Variants in GRM5 observed in about 807,000 individuals in gnomAD.
GRM5 encodes glutamate metabotropic receptor 5.
Under a neutral mutation model 83.1 loss-of-function variants are expected in GRM5, and 19 were observed. The ratio of observed to expected loss-of-function variants is 0.23; its 90% confidence interval spans 0.16 to 0.34. The LOEUF (loss-of-function observed/expected upper bound fraction) is 0.34. GRM5 is among the 10% of genes least tolerant of loss of function. The probability of loss-of-function intolerance (pLI) is 1.00; values close to 1 mark genes in which losing one functional copy is unlikely to be tolerated. For synonymous variants in GRM5, 675 were observed against 633.6 expected, an observed-to-expected ratio of 1.07 and a Z score of -0.98; for missense variants, 1,160 against 1,588.3, an observed-to-expected ratio of 0.73 and a Z score of 4.58.
chr11:88,989,745 C>T (rs1939891955), intron 2 of GRM5, among the ~76,000 whole-genome samples: 1 of 144,330 alleles, frequency 6.9e-6, no homozygotes, highest in East Asian at 2.0e-4. Flanking sequence ...ACTGAACAAC[C>T]TGCTCCTGAA....
intron 2 of GRM5, among the ~76,000 whole-genome samples, chr11:89,015,160 C>A (rs1940819265): frequency 6.6e-6 from 1 of 152,212 alleles, no homozygotes; most frequent in Non-Finnish European, 1.5e-5. Flanking sequence ...GGTTGAACTT[C>A]AAATCCTTTA....
chr11:88,825,699 A>T (rs1943884104), intron 3 of GRM5, among the ~76,000 whole-genome samples: 1 of 152,200 alleles, frequency 6.6e-6, no homozygotes, highest in Non-Finnish European at 1.5e-5. Flanking sequence ...GACTCAAATG[A>T]TTACAGCTTT....
Position 89,047,264 on chromosome 11 carries a change from C to T in GRM5, c.609G>A (p.Val203=), listed in dbSNP as rs199881528. ...PSDAQQARAM[V]DIVKRYNWTY... is the part of the protein sequence containing the mutation. ...TCCAGTTGTACCTCTTCACTATGTC[C>T]ACCATGGCCCTTGCCTGCTGAGCAT... Residue 203 remains valine (V), a synonymous_variant, in exon 2 of 10, where the codon GTG becomes GTA. Transcript: ENST00000305447. The surrounding 1 kb of genome is among the most constrained non-coding windows in gnomAD (Gnocchi z 5.1). The T allele has an allele frequency of 1.4e-4, 222 of 1,613,900 alleles. No homozygotes were observed. Among genetic ancestry groups the T allele is most frequent in the Non-Finnish European group, 1.7e-4 (206 of 1,179,952 alleles).
chr11:88,909,253 C>T (rs1003566702), intron 2 of GRM5, among the ~76,000 whole-genome samples: 1 of 152,036 alleles, frequency 6.6e-6, no homozygotes, highest in Admixed American at 6.6e-5. Flanking sequence ...AGCCAAACAA[C>T]ATTTAACAGC....
At chr11:88,538,045 T>C (rs1481732859) in intron 8 of GRM5, among the ~76,000 whole-genome samples, 5 of 149,848 alleles carry the variant, frequency 3.3e-5, no homozygotes, top group Non-Finnish European at 5.9e-5. Flanking sequence ...CAATTCAACA[T>C]AAGCTCAAAG....
At chr11:88,986,486 T>G (rs918732719) in intron 2 of GRM5, among the ~76,000 whole-genome samples, 8 of 152,178 alleles carry the variant, frequency 5.3e-5, no homozygotes, top group Non-Finnish European at 1.2e-4. Context: ...TATATTTTCT[T>G]TGGAAAGAAG....
chr11:88,640,504 C>T (rs1196981735), intron 4 of GRM5, among the ~76,000 whole-genome samples: 1 of 152,126 alleles, frequency 6.6e-6, no homozygotes, highest in African/African-American at 2.4e-5. Context: ...AGCTGAGTGT[C>T]CTCCAATTAA....
chr11:88,773,802 T>C (rs1942790016), intron 3 of GRM5, among the ~76,000 whole-genome samples: 1 of 152,220 alleles, frequency 6.6e-6, no homozygotes, highest in African/African-American at 2.4e-5. Flanking sequence ...TTCTGTTCCA[T>C]TGGTCTATAC....
intron 7 of GRM5, 41 bp downstream of exon 7, chr11:88,590,560 T>C (rs1381736929): frequency 1.3e-6 from 2 of 1,577,524 alleles, no homozygotes; most frequent in Non-Finnish European, 1.7e-6. Flanking sequence ...TCTGCACCAT[T>C]TTTCAGTTAA....
intron 8 of GRM5, among the ~76,000 whole-genome samples, chr11:88,540,030 T>A (rs16914182): frequency 6.6e-6 from 1 of 152,188 alleles, no homozygotes; most frequent in African/African-American, 2.4e-5. Context: ...GGGCCTAGTA[T>A]AGAGCAGCAA....
intron 2 of GRM5, among the ~76,000 whole-genome samples, chr11:88,867,672 A>C (rs1200837357): frequency 2.0e-5 from 3 of 151,442 alleles, no homozygotes; most frequent in Non-Finnish European, 4.4e-5. Flanking sequence ...ATCTAGCTGA[A>C]TGGGGTCCTT....
intron 2 of GRM5, among the ~76,000 whole-genome samples, chr11:88,873,505 C>T (rs558422255): frequency 1.5e-3 from 225 of 151,600 alleles, no homozygotes; most frequent in African/African-American, 3.9e-3. Flanking sequence ...AAAATTATAT[C>T]AGATAACTTT....
At chr11:88,809,635 G>A (rs1380178711) in intron 3 of GRM5, among the ~76,000 whole-genome samples, 1 of 151,892 alleles carries the variant, frequency 6.6e-6, no homozygotes, top group African/African-American at 2.4e-5. Flanking sequence ...ATACACTTGG[G>A]CAATTTGGGG....
chr11:88,829,900 A>G (rs1302987246), intron 3 of GRM5, among the ~76,000 whole-genome samples: 3 of 152,174 alleles, frequency 2.0e-5, no homozygotes, highest in Non-Finnish European at 2.9e-5. Flanking sequence ...GAACCAAAGT[A>G]TATATTGAGG....
chr11:88,669,245 A>G (rs1940130853), intron 3 of GRM5, among the ~76,000 whole-genome samples: 1 of 152,170 alleles, frequency 6.6e-6, no homozygotes. Context: ...TAACAACATA[A>G]TGCCGTCAAT....
intron 1 of GRM5, among the ~76,000 whole-genome samples, chr11:89,064,951 A>T (rs1425418715): frequency 8.3e-6 from 1 of 120,630 alleles, no homozygotes; most frequent in African/African-American, 3.2e-5. Context: ...GGAGAGAGAG[A>T]TATTATTTTT....
At chr11:88,842,194 T>C (rs1944215960) in intron 3 of GRM5, among the ~76,000 whole-genome samples, 1 of 152,190 alleles carries the variant, frequency 6.6e-6, no homozygotes, top group South Asian at 2.1e-4. Flanking sequence ...ATCACACATA[T>C]TTTCTTATTT....
intron 8 of GRM5, among the ~76,000 whole-genome samples, chr11:88,554,389 A>G (rs1942579076): frequency 6.6e-6 from 1 of 152,168 alleles, no homozygotes; most frequent in Non-Finnish European, 1.5e-5. Context: ...TTTGCCATGT[A>G]AGATAACATA....
At chr11:88,990,880 T>C (rs1231811885) in intron 2 of GRM5, among the ~76,000 whole-genome samples, 8 of 151,936 alleles carry the variant, frequency 5.3e-5, no homozygotes, top group African/African-American at 1.7e-4. Flanking sequence ...ATAAGAGCTA[T>C]CTATGACAAA....
Sources: allele counts gnomAD v4.1 joint callset (sites outside exome capture counted in the v4.1 genomes callset), GRCh38; gene constraint gnomAD v4.1.1; non-coding constraint Gnocchi (gnomAD v3.1); transcripts MANE v1.5; gene names NCBI Gene and HGNC (gene_info 2026-07-23, HGNC 2026-07-21).